IFT172: variants seen among roughly 807,000 people sequenced by gnomAD.
IFT172 encodes the protein intraflagellar transport protein 172 homolog.
Under a neutral mutation model 248.9 loss-of-function variants are expected in IFT172, and 164 were observed. That is an observed-to-expected ratio of 0.66 (90% CI 0.58 to 0.75). The LOEUF (loss-of-function observed/expected upper bound fraction) is 0.75. IFT172 is among the 30% of genes least tolerant of loss of function. The pLI, the probability that IFT172 is intolerant of heterozygous loss-of-function variation, is 0.00. For synonymous variants in IFT172, 729 were observed against 791.6 expected (o/e 0.92, Z 1.33); for missense variants, 1,950 against 2,192.4 (o/e 0.89, Z 2.21).
rs950576068 is a variant in IFT172 at position 27,488,964 on chromosome 2, C to T, written c.39+651G>A. 5.3e-5 allele frequency among the ~76,000 whole-genome samples: 8 copies of T among 152,354 alleles called. No individual in the cohort carries two copies. The South Asian group carries it at 1.2e-3, about 24-fold the overall frequency. On this transcript the variant is annotated intron_variant, in intron 1 of 47. Coordinates refer to ENST00000260570, the MANE Select transcript of IFT172 (RefSeq NM_015662.3). ...GGCTATGGCAGGAAAATCCCTTGAA[C>T]CCGGGAGGCGGAGGTTGCAGTGAGA...
At chr2:27,466,179 A>C in intron 16 of IFT172, 1 of 342,310 alleles carries the variant, frequency 2.9e-6, no homozygotes, top group Non-Finnish European at 5.4e-6. Flanking sequence ...TCTCTCATTA[A>C]AATATGACTT....
intron 15 of IFT172, 178 bp from the exon 16 acceptor site, chr2:27,471,273 TAAGA>T: frequency 1.8e-6 from 1 of 548,984 alleles, no homozygotes; most frequent in Non-Finnish European, 3.1e-6. Context: ...TCTGGTCAAG[TAAGA>T]GATGACCCAT....
At chr2:27,476,859 G>T in intron 13 of IFT172, 133 bp from the exon 14 acceptor site, 1 of 637,626 alleles carries the variant, frequency 1.6e-6, no homozygotes, top group Non-Finnish European at 2.8e-6. Flanking sequence ...TCTCACTCTG[G>T]TTGCCAAAGC....
intron 10 of IFT172, among the ~76,000 whole-genome samples, chr2:27,478,459 C>T (rs1668124049): frequency 1.3e-5 from 2 of 152,244 alleles, no homozygotes; most frequent in South Asian, 2.1e-4. Flanking sequence ...TATCATTGAT[C>T]ACAGTGTATG....
In IFT172 at chr2:27,479,610, A is replaced by G. The variant is rs1668212067; in HGVS notation, c.910-6T>C. 6.3e-7 allele frequency: 1 copy of G among 1,578,450 alleles called. No homozygotes were observed. The highest frequency in any genetic ancestry group is 8.7e-7 in the Non-Finnish European group (1 of 1,147,638). ...ACCCCACCACATAGTGTGCCCTAGA[A>G]GGGAAAGTGACAGCATAAAAGGTCA... On this transcript the variant is annotated splice_polypyrimidine_tract_variant and splice_region_variant and intron_variant, in intron 9 of 47. Coordinates refer to ENST00000260570, the MANE Select transcript of IFT172 (RefSeq NM_015662.3).
At position 27,461,493 on chromosome 2, in the gene IFT172, G is replaced by A. The variant is rs187728607; in HGVS notation, c.2218C>T (p.Arg740Cys). 1.3e-5 allele frequency: 21 copies of A among 1,614,044 alleles called. No homozygotes were observed. In the East Asian group the frequency reaches 2.0e-4, roughly 15 times the overall value. The part of the protein sequence containing the change: ...AKGHPALEKL[R>C]RSYYQWLMDT... The stretch of plus-strand genomic sequence containing the variant: ...ATCAGCCACTGGTAGTAACTACGAC[G>A]TAGCTTCTCCAGGGCTGGGTGCCCC... Residue 740 changes from arginine to cysteine, a missense_variant, in exon 22 of 48, where the codon CGT becomes TGT. By Grantham distance (180) the Arg-to-Cys change is radical. Around this residue, in one of 3 missense-constraint regions of IFT172, gnomAD observed 1,166 missense variants for 1,254.1 expected, o/e 0.93. Coordinates refer to ENST00000260570, the MANE Select transcript of IFT172 (RefSeq NM_015662.3).
At chr2:27,457,349 C>T (rs1239584680) in intron 29 of IFT172, among the ~76,000 whole-genome samples, 2 of 152,038 alleles carry the variant, frequency 1.3e-5, no homozygotes, top group African/African-American at 4.8e-5. Flanking sequence ...GCAGGTGGAT[C>T]GCTTGAGCCC....
In IFT172 at chr2:27,481,733, G is replaced by A. The variant is rs578164556; in HGVS notation, c.571-473C>T. On this transcript the variant is annotated intron_variant, in intron 7 of 47. Transcript: ENST00000260570. The stretch of plus-strand genomic sequence containing the variant: ...TTTTTCTGTTTTTAGTAGAGATGGG[G>A]TTTCACCATGTTGGTCAGGCTGGTC... Among the ~76,000 whole-genome samples the A allele has an allele frequency of 7.2e-5, 11 of 151,814 alleles. No individual in the cohort carries two copies. The South Asian group carries it at 2.3e-3, about 32-fold the overall frequency.
At chr2:27,464,152 G>A (rs1316477035) in intron 18 of IFT172, among the ~76,000 whole-genome samples, 1 of 152,196 alleles carries the variant, frequency 6.6e-6, no homozygotes, top group East Asian at 1.9e-4. Context: ...ACATCAGGAT[G>A]TGTTTTGAAG....
chr2:27,464,132 A>C (rs1260344), intron 18 of IFT172, among the ~76,000 whole-genome samples: 5,281 of 152,296 alleles, frequency 0.035, 307 homozygotes, highest in African/African-American at 0.12. Flanking sequence ...TGGTCTGCAC[A>C]AGGATGGAGA....
intron 9 of IFT172, 89 bp downstream of exon 9, chr2:27,479,937 T>C: frequency 6.8e-7 from 1 of 1,469,978 alleles, no homozygotes; most frequent in Non-Finnish European, 9.1e-7. Context: ...GATTCTATAG[T>C]GTCAGGGAAC....
chr2:27,458,984 A>G (rs1390859130), intron 25 of IFT172, 116 bp from the exon 26 acceptor site: 7 of 1,011,440 alleles, frequency 6.9e-6, no homozygotes, highest in African/African-American at 3.2e-5. Context: ...CAACCTTGTA[A>G]TAATAGAGAA....
chr2:27,461,804 C>T lies in IFT172; in HGVS notation c.2148G>A (p.Gln716=). 6.2e-7 allele frequency: 1 copy of T among 1,614,188 alleles called. No homozygotes were observed. The highest frequency in any genetic ancestry group is 2.2e-5 in the East Asian group (1 of 44,872). The part of the protein sequence containing the change: ...NAVEEAMGMY[Q]ELHRWDECIA... ...TACACTCATCCCAACGGTGTAGCTCCTGGTACATGCCCATGGCCTCCTCCA... is the reference window on the plus strand; with the variant it reads ...TACACTCATCCCAACGGTGTAGCTCTTGGTACATGCCCATGGCCTCCTCCA... The change falls in exon 21 of 48, where the codon CAG becomes CAA. Residue 716 remains glutamine (Q), a synonymous_variant. Coordinates refer to ENST00000260570, the MANE Select transcript of IFT172 (RefSeq NM_015662.3).
In IFT172 at chr2:27,465,856, G is replaced by A. The variant is rs373009930; in HGVS notation, c.1719C>T (p.Gly573=). 1.5e-5 allele frequency: 24 copies of A among 1,613,468 alleles called. No individual in the cohort carries two copies. Among genetic ancestry groups the A allele is most frequent in the Non-Finnish European group, 1.8e-5 (21 of 1,179,882 alleles). The part of the protein sequence containing the change: ...IRGDVIGLER[G]GGKTEVMVME... ...TCACCATCACCTCGGTCTTTCCCCCGCCCCGCTCCAGACCTATAACATCAC... is the reference window on the plus strand; with the variant it reads ...TCACCATCACCTCGGTCTTTCCCCCACCCCGCTCCAGACCTATAACATCAC... Residue 573 remains glycine, a synonymous_variant, in exon 17 of 48, where the codon GGC becomes GGT. Coordinates refer to ENST00000260570, the MANE Select transcript of IFT172 (RefSeq NM_015662.3).
At position 27,453,457 on chromosome 2, in the gene IFT172, C is replaced by A. The variant is rs772364188; in HGVS notation, c.3878G>T (p.Ser1293Ile). 2 of 1,614,198 alleles carry A rather than the reference C, an allele frequency of 1.2e-6. No individual in the cohort carries two copies. Among genetic ancestry groups the A allele is most frequent in the South Asian group, 1.1e-5 (1 of 91,090 alleles). Reference protein sequence around the residue: ...ARHWEQAGEYSRAVDCYLKVR... With the variant: ...ARHWEQAGEYIRAVDCYLKVR... ...TTTGAGGTAGCAGTCCACGGCACGG[C>A]TGTACTCTCCAGCCTGCTCCCAGTG... The change falls in exon 35 of 48, where the codon AGC becomes ATC. Residue 1293 changes from serine (S) to isoleucine (I), a missense_variant. Ser to Ile is a moderately radical substitution (Grantham distance 142, BLOSUM62 -2). Coordinates refer to ENST00000260570, the MANE Select transcript of IFT172 (RefSeq NM_015662.3).
At chr2:27,462,315 G>A (rs533442853) in intron 20 of IFT172, among the ~76,000 whole-genome samples, 4 of 152,252 alleles carry the variant, frequency 2.6e-5, no homozygotes, top group African/African-American at 4.8e-5. Flanking sequence ...TTACTGGTGT[G>A]AGCCACCACG....
At chr2:27,476,519 G>A (rs968953122) in intron 14 of IFT172, 122 bp downstream of exon 14, 2 of 653,176 alleles carry the variant, frequency 3.1e-6, no homozygotes, top group African/African-American at 3.7e-5. Context: ...TGTACATGTG[G>A]AGTTACTATT....
At chr2:27,447,494 C>T in intron 42 of IFT172, 21 bp downstream of exon 42, 1 of 1,611,838 alleles carries the variant, frequency 6.2e-7, no homozygotes, top group Non-Finnish European at 8.5e-7. Context: ...CTGAGTGTTC[C>T]TTCGACCCCC....
At chr2:27,483,716 C>T in intron 5 of IFT172, 57 bp from the exon 6 acceptor site, 1 of 1,581,628 alleles carries the variant, frequency 6.3e-7, no homozygotes, top group East Asian at 2.2e-5. Flanking sequence ...TTAACTAGGC[C>T]CTAAGAAAAA....
Sources: gnomAD v4.1 joint callset for allele counts (sites outside exome capture counted in the v4.1 genomes callset) on GRCh38, gnomAD v4.1.1 for gene constraint, gnomAD v4.1.1 regional missense constraint, MANE v1.5 for transcripts, NCBI Gene and HGNC (gene_info 2026-07-23, HGNC 2026-07-21) for gene names.